Variants in SHMT1 observed in about 807,000 individuals in gnomAD.
The protein encoded by SHMT1 is serine hydroxymethyltransferase, cytosolic.
Under a neutral mutation model 49.0 loss-of-function variants are expected in SHMT1, and 45 were observed. The observed-to-expected ratio is 0.92, with a 90% confidence interval of 0.72 to 1.18. The LOEUF is 1.18. SHMT1 is among the 50% of genes most tolerant of loss of function. The pLI is 0.00. For synonymous variants in SHMT1, 232 were observed against 246.6 expected (o/e 0.94, Z 0.55); for missense variants, 541 against 612.4 (o/e 0.88, Z 1.23).
chr17:18,337,811 T>C, intron 7 of SHMT1, among the ~76,000 whole-genome samples: 1 of 152,184 alleles, frequency 6.6e-6, no homozygotes, highest in East Asian at 1.9e-4. Context: ...TAACCGCGAG[T>C]CATCTGCCAG....
In SHMT1 at chr17:18,347,479, G is replaced by A. The variant is rs1202035834; in HGVS notation, c.519+17C>T. ...TTTCCCAAGGAAATAAAAGCTAGGA[G>A]AGAAACACATGCTTACCTTGTAGGG... is the stretch of plus-strand genomic sequence containing the variant. On this transcript the variant is annotated intron_variant, in intron 5 of 11. Transcript: ENST00000316694. The A allele has an allele frequency of 3.1e-6, 5 of 1,613,496 alleles. No homozygotes were observed. Among genetic ancestry groups the A allele is most frequent in the Non-Finnish European group, 4.2e-6 (5 of 1,179,850 alleles).
rs999331884 is a variant in SHMT1, at chr17:18,351,689, G to A, written c.242+1983C>T. Among the ~76,000 whole-genome samples, 9 of 152,032 alleles carry A rather than the reference G, an allele frequency of 5.9e-5. No homozygotes were observed. The South Asian group carries it at 6.2e-4, about 11-fold the overall frequency. On this transcript the variant is annotated intron_variant, in intron 3 of 11. Coordinates refer to ENST00000316694, the MANE Select transcript of SHMT1 (RefSeq NM_004169.5). ...CTTGGGAGGCTGAGGCAAGAGAATCGCTTGAACCTGGGAGGTGGAGGCTGC... is the reference window on the plus strand; with the variant it reads ...CTTGGGAGGCTGAGGCAAGAGAATCACTTGAACCTGGGAGGTGGAGGCTGC...
Position 18,340,225 on chromosome 17 carries a change from T to C in SHMT1, c.632A>G (p.Tyr211Cys). Residue 211 changes from tyrosine to cysteine, a missense_variant, in exon 7 of 12, where the codon TAT (tyrosine) becomes TGT (cysteine). By Grantham distance (194) the Tyr-to-Cys change is radical (BLOSUM62 -2). Coordinates refer to ENST00000316694, the MANE Select transcript of SHMT1 (RefSeq NM_004169.5). This position sits in a 1 kb window ranked among gnomAD's most constrained non-coding sequence, Gnocchi z 4.5. ...GTSCYSRNLE[Y>C]ARLRKIADEN... is the part of the protein sequence containing the mutation. The stretch of plus-strand genomic sequence containing the variant: ...ATCTGCAATCTTCCGTAGCCGGGCA[T>C]ATTCCAGGTTTCGGGAGTAGCAGCT... 1 of 1,614,144 alleles carries C rather than the reference T, an allele frequency of 6.2e-7. No individual in the cohort carries two copies. Among genetic ancestry groups the C allele is most frequent in the Non-Finnish European group, 8.5e-7 (1 of 1,180,000 alleles).
intron 1 of SHMT1, among the ~76,000 whole-genome samples, chr17:18,361,006 C>A (rs1986706229): frequency 6.6e-6 from 1 of 151,880 alleles, no homozygotes; most frequent in Non-Finnish European, 1.5e-5. Context: ...CCCATCTCTA[C>A]TAAAAATACA....
chr17:18,342,292 C>T (rs1222670275), intron 5 of SHMT1, among the ~76,000 whole-genome samples: 7 of 152,056 alleles, frequency 4.6e-5, no homozygotes, highest in Non-Finnish European at 7.4e-5. Context: ...TGAAATACGC[C>T]AGGCTCAGAC....
At chr17:18,343,216 C>T (rs1206284789) in intron 5 of SHMT1, among the ~76,000 whole-genome samples, 3 of 152,002 alleles carry the variant, frequency 2.0e-5, no homozygotes, top group African/African-American at 4.8e-5. Flanking sequence ...AAAAAAAAGT[C>T]AATTCCAAAC....
intron 11 of SHMT1, 45 bp from the exon 12 acceptor site, chr17:18,328,964 AG>A (rs33997817): frequency 6.2e-7 from 1 of 1,610,166 alleles, no homozygotes; most frequent in Non-Finnish European, 8.5e-7. Context: ...TACACACCAA[AG>A]GGGGTACAAT....
intron 10 of SHMT1, among the ~76,000 whole-genome samples, chr17:18,330,139 CAGTTTTTTT>C (rs1983035369): frequency 6.7e-6 from 1 of 149,884 alleles, no homozygotes; most frequent in African/African-American, 2.5e-5. Flanking sequence ...GCACCTGGCC[CAGTTTTTTT>C]TTTTTTAGAC....
At chr17:18,360,164 G>A (rs1010389545) in intron 1 of SHMT1, among the ~76,000 whole-genome samples, 2 of 151,770 alleles carry the variant, frequency 1.3e-5, no homozygotes, top group African/African-American at 2.4e-5. Flanking sequence ...TAGGAAAATC[G>A]CTTGAACCCA....
chr17:18,359,507 T>C (rs996808525), intron 1 of SHMT1, among the ~76,000 whole-genome samples: 4 of 151,800 alleles, frequency 2.6e-5, no homozygotes, highest in African/African-American at 7.3e-5. Context: ...AAACCCTGTC[T>C]ATAGCAAAAA....
chr17:18,330,983 T>C, intron 9 of SHMT1: 1 of 405,992 alleles, frequency 2.5e-6, no homozygotes, highest in South Asian at 2.1e-5. Context: ...GGCAATTCCC[T>C]AACATTGATG....
intron 4 of SHMT1, 86 bp downstream of exon 4, chr17:18,348,239 C>T (rs751773021): frequency 2.2e-6 from 2 of 908,844 alleles, no homozygotes; most frequent in African/African-American, 3.3e-5. Flanking sequence ...CCATGGCAGT[C>T]CATCTTAGGA....
In SHMT1 at chr17:18,329,369, C is replaced by T. The variant is rs1489718022; in HGVS notation, c.1191G>A (p.Arg397=). 1.9e-6 allele frequency: 3 copies of T among 1,612,528 alleles called. No individual in the cohort carries two copies. Among genetic ancestry groups the T allele is most frequent in the Middle Eastern group, 2.0e-4 (1 of 5,120 alleles). Residue 397 remains arginine, a synonymous_variant, in exon 11 of 12, where the codon CGG becomes CGA. Coordinates refer to ENST00000316694, the MANE Select transcript of SHMT1 (RefSeq NM_004169.5). ...GGGTCCCCAGCCGCAGTCCACTGGG[C>T]CGCAGAGCGCTTCTGTCACCTACAA... The part of the protein sequence containing the change: ...NTCPGDRSAL[R]PSGLRLGTPA...
At chr17:18,362,579 C>T (rs192351089) in intron 1 of SHMT1, among the ~76,000 whole-genome samples, 1 of 152,330 alleles carries the variant, frequency 6.6e-6, no homozygotes, top group African/African-American at 2.4e-5. Context: ...CCACCTCGGC[C>T]TCCCAAAATG....
intron 8 of SHMT1, among the ~76,000 whole-genome samples, chr17:18,333,748 G>A (rs183731513): frequency 2.0e-5 from 3 of 151,752 alleles, no homozygotes; most frequent in African/African-American, 7.3e-5. Context: ...GGGATTACAG[G>A]CATGAGCACC....
At chr17:18,357,841 G>A (rs542880819) in intron 1 of SHMT1, among the ~76,000 whole-genome samples, 1 of 147,940 alleles carries the variant, frequency 6.8e-6, no homozygotes, top group Non-Finnish European at 1.5e-5. Context: ...TGGGCCTATA[G>A]TCCTACCTAC....
Position 18,340,745 on chromosome 17 carries a change from C to G in SHMT1, c.588G>C (p.Lys196Asn). 2 of 1,612,698 alleles carry G rather than the reference C, an allele frequency of 1.2e-6. No homozygotes were observed. The highest frequency in any genetic ancestry group is 1.7e-6 in the Non-Finnish European group (2 of 1,179,518). The change falls in exon 6 of 12, where the codon AAG becomes AAC. Residue 196 changes from lysine (K) to asparagine (N), a missense_variant. Lys to Asn is a moderately conservative substitution (Grantham distance 94). Coordinates refer to ENST00000316694, the MANE Select transcript of SHMT1 (RefSeq NM_004169.5). This position sits in a 1 kb window ranked among gnomAD's most constrained non-coding sequence, Gnocchi z 4.5. ...CCCGCGCATCACCTGCGATGATCAG[C>G]TTCGGGTGGAAGAGGCGTGCGTTCT... ...LEENARLFHPKLIIAGTSCYS... is the reference protein window; with the variant it reads ...LEENARLFHPNLIIAGTSCYS...
Position 18,328,217 on chromosome 17 carries a change from A to T in SHMT1, c.*533T>A, listed in dbSNP as rs200115772. ...CTACTGACAGCAAAACCCTCCCACC[A>T]TACTGGGTGCATCTTGTTTACTCTT... On this transcript the variant is annotated 3_prime_UTR_variant, in exon 12 of 12. Transcript: ENST00000316694. 6.0e-6 allele frequency: 1 copy of T among 167,984 alleles called. No homozygotes were observed. Among genetic ancestry groups the T allele is most frequent in the East Asian group, 1.6e-4 (1 of 6,368 alleles). The allele number at this position is 167,984 out of a possible 1,614,324, so 10.4% of individuals were successfully genotyped here.
Position 18,335,661 on chromosome 17 carries a change from C to A in SHMT1, c.829G>T (p.Asp277Tyr). ...AGAATCTCTTTGCCAGTCTTGGGATCCACACTTTTCACTCCTGGAGGAAGA... is the reference window on the plus strand; with the variant it reads ...AGAATCTCTTTGCCAGTCTTGGGATACACACTTTTCACTCCTGGAGGAAGA... The part of the protein sequence containing the change: ...IFYRKGVKSV[D>Y]PKTGKEILYN... The change falls in exon 8 of 12, where the codon GAT (aspartate) becomes TAT (tyrosine). Residue 277 changes from aspartate (D) to tyrosine (Y), a missense_variant. Physicochemically the swap from Asp to Tyr is radical, Grantham distance 160. Coordinates refer to ENST00000316694, the MANE Select transcript of SHMT1 (RefSeq NM_004169.5). The A allele has an allele frequency of 6.2e-7, 1 of 1,612,884 alleles. No individual in the cohort carries two copies. The highest frequency in any genetic ancestry group is 8.5e-7 in the Non-Finnish European group (1 of 1,178,892).
Sources: gnomAD v4.1 joint callset for allele counts (sites outside exome capture counted in the v4.1 genomes callset) on GRCh38, gnomAD v4.1.1 for gene constraint, Gnocchi (gnomAD v3.1) non-coding constraint, MANE v1.5 for transcripts, NCBI Gene and HGNC (gene_info 2026-07-23, HGNC 2026-07-21) for gene names.